ABHD2: variants seen among roughly 807,000 people sequenced by gnomAD.
ABHD2 encodes the protein abhydrolase domain containing 2, acylglycerol lipase.
ABHD2 carries 20 observed loss-of-function variants against 48.1 expected under a neutral mutation model. The observed-to-expected ratio is 0.42, with a 90% confidence interval of 0.29 to 0.60. The LOEUF is 0.60. Among genes scored for constraint, ABHD2 ranks in the 20% least tolerant of loss-of-function variants. ABHD2 has a pLI of 0.24. For missense variants in ABHD2, 405 were observed against 550.9 expected (o/e 0.74, Z 2.65); for synonymous variants, 209 against 214.2 (o/e 0.98, Z 0.21).
In ABHD2 at chr15:89,092,690, G is replaced by A. The variant is rs188854664; in HGVS notation, c.-107+4127G>A. ...ATTTTATACATCTGTAAGCAAATTC[G>A]TTAAACATATTCTGTACACCACCCC... On this transcript the variant is annotated intron_variant, in intron 1 of 10. Coordinates refer to ENST00000352732, the MANE Select transcript of ABHD2 (RefSeq NM_152924.5). The surrounding 1 kb of genome is among the most constrained non-coding windows in gnomAD (Gnocchi z 4.4). 9.8e-5 allele frequency among the ~76,000 whole-genome samples: 15 copies of A among 152,290 alleles called. No homozygotes were observed. The East Asian group carries it at 1.3e-3, about 14-fold the overall frequency.
intron 1 of ABHD2, among the ~76,000 whole-genome samples, chr15:89,108,008 T>C (rs796101390): frequency 3.9e-5 from 6 of 152,268 alleles, no homozygotes; most frequent in African/African-American, 1.2e-4. Flanking sequence ...CAGAATGCAA[T>C]TTGTATTATG....
At chr15:89,117,832 T>C (rs2049985743) in intron 3 of ABHD2, among the ~76,000 whole-genome samples, 1 of 152,238 alleles carries the variant, frequency 6.6e-6, no homozygotes, top group African/African-American at 2.4e-5. Context: ...TGTGTAGTTG[T>C]CTAGTTAATT....
At chr15:89,073,728 G>T in the ABHD2 span, among the ~76,000 whole-genome samples, 1 of 152,166 alleles carries the variant, frequency 6.6e-6, no homozygotes, top group Admixed American at 6.5e-5. Flanking sequence ...GGTCTTGGGG[G>T]ACCTGAGGTT....
chr15:89,187,983 T>C (rs1349905686), intron 7 of ABHD2, among the ~76,000 whole-genome samples: 1 of 152,228 alleles, frequency 6.6e-6, no homozygotes, highest in Non-Finnish European at 1.5e-5. Flanking sequence ...ACCCAATCTT[T>C]AGTTTGTCTG....
At chr15:89,121,637 C>A (rs1167447514) in intron 3 of ABHD2, among the ~76,000 whole-genome samples, 1 of 152,050 alleles carries the variant, frequency 6.6e-6, no homozygotes, top group Non-Finnish European at 1.5e-5. Context: ...TGTCATAATA[C>A]TACTCGAGTT....
intron 3 of ABHD2, among the ~76,000 whole-genome samples, chr15:89,135,148 T>TTTTG (rs1567083929): frequency 5.7e-4 from 1 of 1,754 alleles, no homozygotes; most frequent in African/African-American, 2.5e-3. Context: ...TTTTTCTTTT[T>TTTTG]TTTTTTTTTT....
At chr15:89,153,425 T>G (rs2050623774) in intron 4 of ABHD2, among the ~76,000 whole-genome samples, 1 of 152,222 alleles carries the variant, frequency 6.6e-6, no homozygotes, top group Non-Finnish European at 1.5e-5. Flanking sequence ...CCATACCCAG[T>G]TAAATGTTTT....
rs2051462033 is a variant in ABHD2 at position 89,201,144 on chromosome 15, G to A, written c.*5721G>A. Reference sequence around the variant, plus strand: ...ATTACAACAAGAAGTGAAGGAAGAAGACTGGTGACATCTCTGAAGGATGCA... The same window carrying A: ...ATTACAACAAGAAGTGAAGGAAGAAAACTGGTGACATCTCTGAAGGATGCA... On this transcript the variant is annotated 3_prime_UTR_variant, in exon 11 of 11. Coordinates refer to ENST00000352732, the MANE Select transcript of ABHD2 (RefSeq NM_152924.5). 3.2e-6 allele frequency: 4 copies of A among 1,266,614 alleles called. No individual in the cohort carries two copies. The South Asian group carries it at 4.8e-5, about 15-fold the overall frequency. The allele number at this position is 1,266,614 out of a possible 1,614,324, so 78.5% of individuals were successfully genotyped here.
chr15:89,054,901 G>C, the ABHD2 span, among the ~76,000 whole-genome samples: 6 of 151,986 alleles, frequency 3.9e-5, no homozygotes, highest in South Asian at 4.2e-4. Flanking sequence ...ATATGTAGTG[G>C]GTATTCCATT....
the ABHD2 span, among the ~76,000 whole-genome samples, chr15:89,077,667 T>A: frequency 6.6e-6 from 1 of 152,188 alleles, no homozygotes; most frequent in Non-Finnish European, 1.5e-5. Flanking sequence ...AATCTAAAAC[T>A]CTTAGAATCG....
chr15:89,166,863 T>C lies in ABHD2; in HGVS notation c.539-8949T>C, dbSNP rs763753892. Among the ~76,000 whole-genome samples, 3 of 152,016 alleles carry C rather than the reference T, an allele frequency of 2.0e-5. No individual in the cohort carries two copies. The highest frequency in any genetic ancestry group is 4.4e-5 in the Non-Finnish European group (3 of 67,992). On this transcript the variant is annotated intron_variant, in intron 5 of 10. Transcript: ENST00000352732. This position sits in a 1 kb window ranked among gnomAD's most constrained non-coding sequence, Gnocchi z 4.6. Reference sequence around the variant, plus strand: ...GAACCTCAAGGTAAGGTCAGAAAACTTGGTCTTGCTTAGAGGACGGGACTT... The same window carrying C: ...GAACCTCAAGGTAAGGTCAGAAAACCTGGTCTTGCTTAGAGGACGGGACTT...
the ABHD2 span, among the ~76,000 whole-genome samples, chr15:89,079,978 C>T: frequency 6.6e-6 from 1 of 152,324 alleles, no homozygotes; most frequent in African/African-American, 2.4e-5. This position sits in a 1 kb window ranked among gnomAD's most constrained non-coding sequence, Gnocchi z 4.3. Flanking sequence ...ATCTGGGGCT[C>T]ACTTCGTAAA....
chr15:89,162,254 C>A (rs987554498), intron 5 of ABHD2, among the ~76,000 whole-genome samples: 2 of 152,192 alleles, frequency 1.3e-5, no homozygotes, highest in African/African-American at 4.8e-5. Context: ...TCCTCAAGAG[C>A]AATTCAATTT....
At chr15:89,044,125 T>C in the ABHD2 span, among the ~76,000 whole-genome samples, 1 of 152,158 alleles carries the variant, frequency 6.6e-6, no homozygotes, top group African/African-American at 2.4e-5. Context: ...CATTGTTCAA[T>C]TCCCACCTAT....
At chr15:89,152,541 C>T (rs2050610720) in intron 4 of ABHD2, among the ~76,000 whole-genome samples, 1 of 152,128 alleles carries the variant, frequency 6.6e-6, no homozygotes, top group Non-Finnish European at 1.5e-5. Flanking sequence ...CTCATTTAAT[C>T]CTCAAATAGC....
rs565645491 is a variant in ABHD2, at chr15:89,117,532, C to A, written c.194+1011C>A. On this transcript the variant is annotated intron_variant, in intron 3 of 10. Coordinates refer to ENST00000352732, the MANE Select transcript of ABHD2 (RefSeq NM_152924.5). ...GCCTCGTGCACAGTGGGTCTGAATT[C>A]CCCACTCCTTTTGTCATGCTGCTTC... 3.3e-5 allele frequency among the ~76,000 whole-genome samples: 5 copies of A among 152,338 alleles called. No individual in the cohort carries two copies. The South Asian group carries it at 1.0e-3, about 32-fold the overall frequency.
At position 89,176,048 on chromosome 15, in the gene ABHD2, G is replaced by T; in HGVS notation, c.722+53G>T. ...CCTTCAGTTAGCCCTTATTTATAGAGATGCCCCGACGCACAACACACTGTT... is the reference window on the plus strand; with the variant it reads ...CCTTCAGTTAGCCCTTATTTATAGATATGCCCCGACGCACAACACACTGTT... On this transcript the variant is annotated intron_variant, in intron 6 of 10. Transcript: ENST00000352732. This position sits in a 1 kb window ranked among gnomAD's most constrained non-coding sequence, Gnocchi z 4.5. 6.6e-7 allele frequency: 1 copy of T among 1,513,858 alleles called. No homozygotes were observed. Among genetic ancestry groups the T allele is most frequent in the Non-Finnish European group, 8.9e-7 (1 of 1,121,600 alleles). The allele number at this position is 1,513,858 out of a possible 1,614,324, so 93.8% of individuals were successfully genotyped here.
chr15:89,192,891 T>G (rs537684577), intron 9 of ABHD2, among the ~76,000 whole-genome samples: 1 of 152,154 alleles, frequency 6.6e-6, no homozygotes, highest in East Asian at 1.9e-4. Flanking sequence ...TGGTATGGAG[T>G]GCACTTCATT....
rs1306331691 is a variant in ABHD2 at position 89,184,040 on chromosome 15, C to T, written c.723-1384C>T. Among the ~76,000 whole-genome samples the T allele has an allele frequency of 6.6e-6, 1 of 152,126 alleles. No individual in the cohort carries two copies. Among genetic ancestry groups the T allele is most frequent in the Non-Finnish European group, 1.5e-5 (1 of 68,026 alleles). On this transcript the variant is annotated intron_variant, in intron 6 of 10. Transcript: ENST00000352732. This position sits in a 1 kb window ranked among gnomAD's most constrained non-coding sequence, Gnocchi z 5.1. ...TCTTCCTGTAGTGCTTGGTTAGAGT[C>T]GGGCGGGGGTTGGCTGCACATTTAT...
Sources: gnomAD v4.1 joint callset for allele counts (sites outside exome capture counted in the v4.1 genomes callset) on GRCh38, gnomAD v4.1.1 for gene constraint, Gnocchi (gnomAD v3.1) non-coding constraint, MANE v1.5 for transcripts, NCBI Gene and HGNC (gene_info 2026-07-23, HGNC 2026-07-21) for gene names.